Variants in AQR observed in about 807,000 individuals in gnomAD.
AQR encodes RNA helicase aquarius.
A neutral mutation model predicts 180.5 loss-of-function variants in AQR; 61 were observed. The ratio of observed to expected loss-of-function variants is 0.34; its 90% CI spans 0.28 to 0.42. AQR has a LOEUF of 0.42. AQR is among the 10% of genes least tolerant of loss of function. The pLI, the probability that AQR is intolerant of heterozygous loss-of-function variation, is 1.00. For missense variants in AQR, 1,281 were observed against 1,798.3 expected (o/e 0.71, Z 5.20); for synonymous variants, 551 against 588.8 (o/e 0.94, Z 0.93).
intron 4 of AQR, among the ~76,000 whole-genome samples, chr15:34,949,810 A>AC (rs1196816602): frequency 0.023 from 3,398 of 147,296 alleles, 66 homozygotes; most frequent in Middle Eastern, 0.066. Context: ...AAAAAAAAAA[A>AC]AAACCACTAG....
rs1449055310 is a variant in AQR, at chr15:34,870,913, C to G, written c.3607G>C (p.Glu1203Gln). ...AAAAGTGCTACTACATATTCTGCCT[C>G]TCCAAGATTCTGTAATGCAAACATA... ...PNPYFYQNLG[E>Q]AEYVVALFMY... Residue 1203 changes from glutamate (E) to glutamine (Q), a missense_variant, in exon 31 of 35, where the codon GAG (glutamate) becomes CAG (glutamine). Coordinates refer to ENST00000156471, the MANE Select transcript of AQR (RefSeq NM_014691.3). 6.2e-7 allele frequency: 1 copy of G among 1,611,604 alleles called. No individual in the cohort carries two copies. Among genetic ancestry groups the G allele is most frequent in the Admixed American group, 1.7e-5 (1 of 59,684 alleles).
chr15:34,942,122 C>T (rs1369771432), intron 6 of AQR, 42 bp from the exon 7 acceptor site: 1 of 1,483,768 alleles, frequency 6.7e-7, no homozygotes, highest in Non-Finnish European at 9.3e-7. Flanking sequence ...AACATACCAG[C>T]ATTTCTACCT....
chr15:34,856,222 A>C lies in AQR; in HGVS notation c.*570T>G. ...TCTGAGGTGTGCCTCAAGAATAAAC[A>C]GACATCTTAGGTGATTCTAAGGCAT... On this transcript the variant is annotated 3_prime_UTR_variant, in exon 35 of 35. Coordinates refer to ENST00000156471, the MANE Select transcript of AQR (RefSeq NM_014691.3). 4.5e-6 allele frequency: 1 copy of C among 221,640 alleles called. No individual in the cohort carries two copies. Among genetic ancestry groups the C allele is most frequent in the Non-Finnish European group, 8.7e-6 (1 of 114,430 alleles). The allele number at this position is 221,640 out of a possible 1,614,324, so 13.7% of individuals were successfully genotyped here.
At chr15:34,950,084 C>CTTTTTTTTTTTTTTTTTTTTTTTTTT (rs1174370425) in intron 4 of AQR, among the ~76,000 whole-genome samples, 1 of 74,058 alleles carries the variant, frequency 1.4e-5, no homozygotes, top group Non-Finnish European at 2.3e-5. Flanking sequence ...TGCTATTTTC[C>CTTTTTTTTTTTTTTTTTTTTTTTTTT]TTTTTTTTTT....
chr15:34,875,057 G>A (rs534633575), intron 28 of AQR, among the ~76,000 whole-genome samples, 193 bp from the exon 29 acceptor site: 4 of 152,138 alleles, frequency 2.6e-5, no homozygotes, highest in Admixed American at 6.5e-5. Flanking sequence ...TATTGCTCCT[G>A]GGTGACAGTG....
chr15:34,893,724 A>G lies in AQR; in HGVS notation c.2510T>C (p.Ile837Thr). 1 of 1,613,998 alleles carries G rather than the reference A, an allele frequency of 6.2e-7. No homozygotes were observed. Among genetic ancestry groups the G allele is most frequent in the Non-Finnish European group, 8.5e-7 (1 of 1,179,968 alleles). Residue 837 changes from isoleucine to threonine, a missense_variant, in exon 23 of 35, where the codon ATA (isoleucine) becomes ACA (threonine). Around this residue, in one of 9 missense-constraint regions of AQR, gnomAD observed 31 missense variants for 95.5 expected, o/e 0.32. Coordinates refer to ENST00000156471, the MANE Select transcript of AQR (RefSeq NM_014691.3). Reference protein sequence around the residue: ...TGKTDVAVQIISNIYHNFPEQ... With the variant: ...TGKTDVAVQITSNIYHNFPEQ... The stretch of plus-strand genomic sequence containing the variant: ...TGGGAAGTTGTGGTAGATGTTGGAT[A>G]TGATCTGAACTGCCACATCTGTTTT...
chr15:34,868,051 C>A (rs1175803910), intron 31 of AQR: 5 of 162,558 alleles, frequency 3.1e-5, no homozygotes, highest in Non-Finnish European at 5.3e-5. Flanking sequence ...AAATAATCTT[C>A]ATTGCACTTT....
intron 31 of AQR, 22 bp downstream of exon 31, chr15:34,870,730 C>G (rs367864069): frequency 7.1e-5 from 113 of 1,592,916 alleles, no homozygotes; most frequent in Non-Finnish European, 9.2e-5. Flanking sequence ...AATAAGAGAA[C>G]ATATTATAAT....
At chr15:34,942,243 A>T (rs971177211) in intron 6 of AQR, among the ~76,000 whole-genome samples, 163 bp from the exon 7 acceptor site, 1 of 152,018 alleles carries the variant, frequency 6.6e-6, no homozygotes, top group African/African-American at 2.4e-5. Context: ...TTTAAAAAAG[A>T]CTCCATCCTT....
intron 3 of AQR, among the ~76,000 whole-genome samples, chr15:34,958,224 A>C (rs1167162121): frequency 6.6e-6 from 1 of 151,574 alleles, no homozygotes; most frequent in African/African-American, 2.4e-5. Context: ...AAAAAAGAAT[A>C]ACGGTAGGGG....
chr15:34,880,125 G>A lies in AQR; in HGVS notation c.3165+2377C>T, dbSNP rs369424293. 3.3e-4 allele frequency among the ~76,000 whole-genome samples: 50 copies of A among 152,282 alleles called. 4 individuals are homozygous for A. In the South Asian group the frequency reaches 0.01, roughly 31 times the overall value. The stretch of plus-strand genomic sequence containing the variant: ...TTCTGAACAGCTACACTGGAAGACA[G>A]AGAAAACGGAACAATTCTTCAAAAT... On this transcript the variant is annotated intron_variant, in intron 27 of 34. Transcript: ENST00000156471.
intron 15 of AQR, among the ~76,000 whole-genome samples, chr15:34,916,597 C>A (rs181007006): frequency 2.0e-4 from 30 of 151,946 alleles, no homozygotes; most frequent in African/African-American, 7.0e-4. Context: ...CACTTTGCAA[C>A]ACTCACTGAA....
chr15:34,946,559 G>T lies in AQR; in HGVS notation c.330+1705C>A, dbSNP rs561818094. 8.1e-4 allele frequency among the ~76,000 whole-genome samples: 116 copies of T among 142,860 alleles called. 1 individual carries two copies. Among genetic ancestry groups the T allele is most frequent in the African/African-American group, 2.9e-3 (111 of 38,112 alleles). The allele number at this position is 142,860 out of a possible 152,430, so 93.7% of individuals were successfully genotyped here. A position where few individuals can be genotyped will look rare whatever the true frequency, so the allele number is the denominator to read the frequency against. On this transcript the variant is annotated intron_variant, in intron 5 of 34. Transcript: ENST00000156471. The stretch of plus-strand genomic sequence containing the variant: ...GGGTCAGCCCCCCGCCTGGCCAGCC[G>T]CCCCGTCCGGGAGGGAGGTGGGGGG...
chr15:34,966,869 C>CTTT (rs148912380), intron 1 of AQR, among the ~76,000 whole-genome samples: 52 of 67,068 alleles, frequency 7.8e-4, no homozygotes, highest in African/African-American at 1.5e-3. Context: ...CCACCCTGGC[C>CTTT]TTTTTTTTTT....
At position 34,900,666 on chromosome 15, in the gene AQR, A is replaced by C; in HGVS notation, c.2199T>G (p.Val733=). ...GAGCAGGGTCTTCTACAGTTACTTT[A>C]ACATTATGACCAGGGAAGCTGGCTT... ...HLKASFPGHN[V]KVTVEDPALQ... Residue 733 remains valine, a synonymous_variant, in exon 20 of 35, where the codon GTT becomes GTG. Coordinates refer to ENST00000156471, the MANE Select transcript of AQR (RefSeq NM_014691.3). 1 of 1,614,172 alleles carries C rather than the reference A, an allele frequency of 6.2e-7. No individual in the cohort carries two copies. The highest frequency in any genetic ancestry group is 1.3e-5 in the African/African-American group (1 of 75,048).
intron 3 of AQR, among the ~76,000 whole-genome samples, chr15:34,958,008 A>T (rs1894350324): frequency 6.6e-6 from 1 of 151,160 alleles, no homozygotes; most frequent in African/African-American, 2.4e-5. Flanking sequence ...GGAGATCGAG[A>T]CCATCCTGGC....
Position 34,969,572 on chromosome 15 carries a change from C to T in AQR, c.42G>A (p.Thr14=). ...CGAACTCCGCATTGATTTGGGACACCGTAGGGGCCACGATCTTCTTGGGCT... is the reference window on the plus strand; with the variant it reads ...CGAACTCCGCATTGATTTGGGACACTGTAGGGGCCACGATCTTCTTGGGCT... The part of the protein sequence containing the change: ...PAQPKKIVAP[T]VSQINAEFVT... The change falls in exon 1 of 35, where the codon ACG becomes ACA. Residue 14 remains threonine, a synonymous_variant. Transcript: ENST00000156471. The T allele has an allele frequency of 6.2e-7, 1 of 1,613,740 alleles. No individual in the cohort carries two copies. Among genetic ancestry groups the T allele is most frequent in the Non-Finnish European group, 8.5e-7 (1 of 1,180,014 alleles).
intron 13 of AQR, among the ~76,000 whole-genome samples, chr15:34,926,467 G>A (rs139025939): frequency 2.7e-4 from 41 of 152,214 alleles, no homozygotes; most frequent in African/African-American, 9.1e-4. Flanking sequence ...GTGTAACCTA[G>A]GCAAATTACT....
chr15:34,879,507 AC>A (rs1409597143), intron 27 of AQR, among the ~76,000 whole-genome samples: 5 of 151,844 alleles, frequency 3.3e-5, no homozygotes, highest in African/African-American at 1.2e-4. Context: ...CCCAGAATCC[AC>A]CCCCTGTATA....
Sources: allele counts gnomAD v4.1 joint callset (sites outside exome capture counted in the v4.1 genomes callset), GRCh38; gene constraint gnomAD v4.1.1; regional missense constraint gnomAD v4.1.1; transcripts MANE v1.5; gene names NCBI Gene and HGNC (gene_info 2026-07-23, HGNC 2026-07-21).